Variants in MEGF11 observed in about 807,000 individuals in gnomAD.
The protein encoded by MEGF11 is multiple epidermal growth factor-like domains protein 11.
Under a neutral mutation model 146.6 loss-of-function variants are expected in MEGF11, and 126 were observed. The ratio of observed to expected loss-of-function variants is 0.86; its 90% CI spans 0.74 to 1.00. The LOEUF is 1.00. MEGF11 is among the 50% of genes least tolerant of loss of function. The pLI is 0.00. For synonymous variants in MEGF11, 532 were observed against 583.4 expected, an observed-to-expected ratio of 0.91 and a Z score of 1.27; for missense variants, 1,509 against 1,521.2, an observed-to-expected ratio of 0.99 and a Z score of 0.13.
chr15:66,065,416 C>T lies in MEGF11; in HGVS notation c.394+28986G>A, dbSNP rs556682461. ...TGGCCAAGTTAGATGGGATGCCACC[C>T]CCTGCACTTTTGTGTCCTTTGCTCT... On this transcript the variant is annotated intron_variant, in intron 5 of 25. Transcript: ENST00000395614. 2.6e-5 allele frequency among the ~76,000 whole-genome samples: 4 copies of T among 152,266 alleles called. No individual in the cohort carries two copies. In the South Asian group the frequency reaches 8.3e-4, roughly 32 times the overall value.
chr15:66,226,704 T>C (rs139852931), intron 1 of MEGF11, among the ~76,000 whole-genome samples: 204 of 151,988 alleles, frequency 1.3e-3, no homozygotes, highest in African/African-American at 4.6e-3. Context: ...GGAAAAAACA[T>C]AGTCTATATA....
chr15:66,017,394 C>T (rs2140146789), intron 5 of MEGF11, among the ~76,000 whole-genome samples: 1 of 152,344 alleles, frequency 6.6e-6, no homozygotes, highest in South Asian at 2.1e-4. Context: ...TACGACGGTG[C>T]CCACTTTTCA....
intron 1 of MEGF11, among the ~76,000 whole-genome samples, chr15:66,217,346 C>A (rs1417335205): frequency 6.6e-6 from 1 of 152,240 alleles, no homozygotes; most frequent in Non-Finnish European, 1.5e-5. Flanking sequence ...ACAGACTAGG[C>A]TTAGCAGGAA....
At chr15:66,152,518 C>A (rs768092237) in intron 1 of MEGF11, among the ~76,000 whole-genome samples, 1 of 152,228 alleles carries the variant, frequency 6.6e-6, no homozygotes, top group Non-Finnish European at 1.5e-5. Flanking sequence ...TATCTGACCC[C>A]TGATATCTGA....
At chr15:66,048,268 A>C (rs2084303920) in intron 5 of MEGF11, among the ~76,000 whole-genome samples, 1 of 152,152 alleles carries the variant, frequency 6.6e-6, no homozygotes, top group East Asian at 1.9e-4. Flanking sequence ...TGTTTTACTA[A>C]CTGCTCATGG....
chr15:66,171,701 G>T (rs896456852), intron 1 of MEGF11, among the ~76,000 whole-genome samples: 1 of 143,244 alleles, frequency 7.0e-6, no homozygotes, highest in Non-Finnish European at 1.5e-5. Flanking sequence ...CCCACGCAAC[G>T]CTCCCTCCTG....
intron 1 of MEGF11, among the ~76,000 whole-genome samples, chr15:66,204,985 T>A (rs1315527354): frequency 1.3e-5 from 2 of 150,866 alleles, no homozygotes; most frequent in Non-Finnish European, 3.0e-5. Context: ...TTGAATTTTT[T>A]TTTTTTTTTT....
At chr15:65,993,533 C>G (rs917772280) in intron 5 of MEGF11, among the ~76,000 whole-genome samples, 1 of 152,206 alleles carries the variant, frequency 6.6e-6, no homozygotes, top group Non-Finnish European at 1.5e-5. Flanking sequence ...TTTGGAAGAG[C>G]CTTTCAAAGG....
At chr15:65,907,218 A>G (rs765625902) in intron 23 of MEGF11, among the ~76,000 whole-genome samples, 12 of 152,184 alleles carry the variant, frequency 7.9e-5, no homozygotes, top group East Asian at 5.8e-4. Flanking sequence ...GTCTACTCCT[A>G]TCTGCCTACG....
Position 65,922,344 on chromosome 15 carries a change from T to A in MEGF11, c.1951A>T (p.Asn651Tyr), listed in dbSNP as rs1306655278. ...TTCCCACTGGAGACAGTACCTTGGT[T>A]GCAGAGAGCTCCAGAGAATCCTGGG... ...CLPGFSGALC[N>Y]QVCAGGYFGQ... Residue 651 changes from asparagine to tyrosine, a missense_variant, in exon 15 of 26, where the codon AAC (asparagine) becomes TAC (tyrosine). Coordinates refer to ENST00000395614, the MANE Select transcript of MEGF11 (RefSeq NM_001385028.1). 5 of 1,607,744 alleles carry A rather than the reference T, an allele frequency of 3.1e-6. No individual in the cohort carries two copies. The highest frequency in any genetic ancestry group is 1.1e-5 in the South Asian group (1 of 89,122).
chr15:65,970,708 G>A lies in MEGF11; in HGVS notation c.763-19C>T, dbSNP rs2081275156. On this transcript the variant is annotated intron_variant, in intron 7 of 25. Coordinates refer to ENST00000395614, the MANE Select transcript of MEGF11 (RefSeq NM_001385028.1). Reference sequence around the variant, plus strand: ...CTGCTCCCTAAAAGAAAGGTGGGAAGACATGCATGGCGGTGCTCCAGAAAT... The same window carrying A: ...CTGCTCCCTAAAAGAAAGGTGGGAAAACATGCATGGCGGTGCTCCAGAAAT... 1.9e-6 allele frequency: 3 copies of A among 1,600,946 alleles called. No individual in the cohort carries two copies. The highest frequency in any genetic ancestry group is 2.3e-5 in the South Asian group (2 of 88,588).
At chr15:66,120,680 A>G (rs1249613264) in intron 3 of MEGF11, among the ~76,000 whole-genome samples, 1 of 152,202 alleles carries the variant, frequency 6.6e-6, no homozygotes, top group Non-Finnish European at 1.5e-5. Flanking sequence ...AAAAACCCAT[A>G]ATGGAAGGAA....
At chr15:66,195,219 T>C (rs896301418) in intron 1 of MEGF11, among the ~76,000 whole-genome samples, 7 of 152,232 alleles carry the variant, frequency 4.6e-5, no homozygotes, top group Non-Finnish European at 1.0e-4. Flanking sequence ...TATGAACTAA[T>C]CTTATACTAC....
At position 65,898,055 on chromosome 15, in the gene MEGF11, T is replaced by C; in HGVS notation, c.3302A>G (p.Asn1101Ser). The change falls in exon 26 of 26, where the codon AAC becomes AGC. Residue 1101 changes from asparagine to serine, a missense_variant. Physicochemically the swap from Asn to Ser is conservative, Grantham distance 46 (BLOSUM62 1). Transcript: ENST00000395614. ...GTATGCATTCTGGATATAGCTGGAG[T>C]TATGACCGCAACCTTCTTGGACCAC... is the stretch of plus-strand genomic sequence containing the variant. ...VSVVQEGCGH[N>S]SSYIQNAYDL... 1 of 1,613,758 alleles carries C rather than the reference T, an allele frequency of 6.2e-7. No homozygotes were observed. The highest frequency in any genetic ancestry group is 8.5e-7 in the Non-Finnish European group (1 of 1,179,788).
rs1486664137 is a variant in MEGF11, at chr15:66,094,506, T to TG, written c.302-13dup. ...CTCCGTACACAGGGCTGAGGGGACA[T>TG]GGGGAGAGGGAGGAAGAACCAGAAC... On this transcript the variant is annotated splice_polypyrimidine_tract_variant and intron_variant, in intron 4 of 25. Coordinates refer to ENST00000395614, the MANE Select transcript of MEGF11 (RefSeq NM_001385028.1). 1 of 1,554,546 alleles carries TG rather than the reference T, an allele frequency of 6.4e-7. No homozygotes were observed. Among genetic ancestry groups the TG allele is most frequent in the Non-Finnish European group, 8.7e-7 (1 of 1,147,874 alleles).
intron 10 of MEGF11, among the ~76,000 whole-genome samples, chr15:65,935,293 C>T (rs1378865347): frequency 7.6e-6 from 1 of 131,212 alleles, no homozygotes; most frequent in Non-Finnish European, 1.6e-5. Context: ...GCACTCCAGC[C>T]TGGGTGACAG....
At chr15:66,043,196 G>A (rs1293093086) in intron 5 of MEGF11, among the ~76,000 whole-genome samples, 7 of 152,236 alleles carry the variant, frequency 4.6e-5, no homozygotes, top group African/African-American at 1.4e-4. Flanking sequence ...TCCAGCAGGT[G>A]CAAGCACATA....
Position 66,171,329 on chromosome 15 carries a change from A to T in MEGF11, c.-8-42918T>A, listed in dbSNP as rs1419044452. On this transcript the variant is annotated intron_variant, in intron 1 of 25. Coordinates refer to ENST00000395614, the MANE Select transcript of MEGF11 (RefSeq NM_001385028.1). ...GGAAGCTGGGACTGGGAGGAGAGCT[A>T]GGGTCCCACCAGTGGTGCCAGGGCA... 2.0e-5 allele frequency among the ~76,000 whole-genome samples: 3 copies of T among 152,210 alleles called. No individual in the cohort carries two copies. The East Asian group carries it at 5.8e-4, about 29-fold the overall frequency.
At chr15:66,019,579 A>T (rs1272812942) in intron 5 of MEGF11, among the ~76,000 whole-genome samples, 1 of 152,108 alleles carries the variant, frequency 6.6e-6, no homozygotes, top group African/African-American at 2.4e-5. Flanking sequence ...AGGGAACCGC[A>T]AGCCCCTTCC....
Sources: allele counts gnomAD v4.1 joint callset (sites outside exome capture counted in the v4.1 genomes callset), GRCh38; gene constraint gnomAD v4.1.1; transcripts MANE v1.5; gene names NCBI Gene and HGNC (gene_info 2026-07-23, HGNC 2026-07-21).